FAR1: variants seen among roughly 807,000 people sequenced by gnomAD.
The protein encoded by FAR1 is male sterility domain-containing protein 2.
In FAR1, 22 loss-of-function variants were observed where a neutral mutation model predicts 61.1. The ratio of observed to expected loss-of-function variants is 0.36; its 90% CI spans 0.26 to 0.51. The LOEUF (loss-of-function observed/expected upper bound fraction) is 0.51. FAR1 is among the 20% of genes least tolerant of loss of function. FAR1 has a pLI of 0.95. For missense variants in FAR1, 359 were observed against 626.9 expected, an observed-to-expected ratio of 0.57 and a Z score of 4.56; for synonymous variants, 206 against 209.7, an observed-to-expected ratio of 0.98 and a Z score of 0.15.
intron 4 of FAR1, 122 bp downstream of exon 4, chr11:13,708,201 A>G (rs1848455374): frequency 3.4e-6 from 2 of 591,138 alleles, no homozygotes; most frequent in East Asian, 6.5e-5. Context: ...ATCTCACTAA[A>G]AATACGAAAA....
At chr11:13,689,969 G>A (rs138103114) in intron 1 of FAR1, among the ~76,000 whole-genome samples, 356 of 148,014 alleles carry the variant, frequency 2.4e-3, no homozygotes, top group African/African-American at 8.3e-3. Flanking sequence ...TCCGTATCCC[G>A]GGCTCAAGCA....
intron 1 of FAR1, among the ~76,000 whole-genome samples, chr11:13,686,893 A>C (rs1387726666): frequency 6.6e-6 from 1 of 152,168 alleles, no homozygotes; most frequent in African/African-American, 2.4e-5. Flanking sequence ...GTTACCTTAG[A>C]AGTTCTCTGT....
chr11:13,689,643 G>A (rs1313516092), intron 1 of FAR1, among the ~76,000 whole-genome samples: 1 of 152,068 alleles, frequency 6.6e-6, no homozygotes, highest in East Asian at 1.9e-4. Context: ...TTTCTATTGG[G>A]TATATAATCA....
chr11:13,704,298 A>G (rs1001107314), intron 3 of FAR1, among the ~76,000 whole-genome samples: 2 of 152,126 alleles, frequency 1.3e-5, no homozygotes, highest in Non-Finnish European at 2.9e-5. Flanking sequence ...CGGAAAATTC[A>G]TAGTACAAAA....
At chr11:13,709,640 A>G (rs1314410083) in intron 4 of FAR1, among the ~76,000 whole-genome samples, 2 of 152,052 alleles carry the variant, frequency 1.3e-5, no homozygotes, top group East Asian at 3.8e-4. Flanking sequence ...TCATGTATCA[A>G]CTATCCCTTT....
chr11:13,720,330 T>TA (rs1180008674), intron 9 of FAR1: 1 of 152,128 alleles, frequency 6.6e-6, no homozygotes, highest in Non-Finnish European at 1.5e-5. Flanking sequence ...CGTGATAGTA[T>TA]ATATTGATGT....
At chr11:13,710,601 AGATAT>A in intron 4 of FAR1, 87 bp from the exon 5 acceptor site, 1 of 1,063,272 alleles carries the variant, frequency 9.4e-7, no homozygotes, top group South Asian at 1.8e-5. Context: ...TCAGAACAGC[AGATAT>A]GTTTGAATGT....
intron 3 of FAR1, among the ~76,000 whole-genome samples, chr11:13,702,765 T>C (rs1456669470): frequency 6.6e-6 from 1 of 152,198 alleles, no homozygotes; most frequent in East Asian, 1.9e-4. Flanking sequence ...ACGAGGAAAG[T>C]TATATGCTTT....
At chr11:13,703,658 A>G (rs964191204) in intron 3 of FAR1, among the ~76,000 whole-genome samples, 1 of 152,242 alleles carries the variant, frequency 6.6e-6, no homozygotes, top group Admixed American at 6.5e-5. Flanking sequence ...GAAGGTAGAT[A>G]GAGCTCACTT....
At chr11:13,719,100 C>T (rs1848582861) in intron 9 of FAR1, among the ~76,000 whole-genome samples, 1 of 152,164 alleles carries the variant, frequency 6.6e-6, no homozygotes. Context: ...TTATTTTCAA[C>T]TCTCATTGAG....
At chr11:13,724,436 A>G (rs183712163) in intron 10 of FAR1, among the ~76,000 whole-genome samples, 3 of 151,486 alleles carry the variant, frequency 2.0e-5, no homozygotes, top group African/African-American at 7.3e-5. Flanking sequence ...TGTAGTCCCA[A>G]CTACTTGGGA....
At chr11:13,678,377 GC>G (rs1405792758) in intron 1 of FAR1, among the ~76,000 whole-genome samples, 1 of 152,090 alleles carries the variant, frequency 6.6e-6, no homozygotes, top group Non-Finnish European at 1.5e-5. Flanking sequence ...CCATTCTCCT[GC>G]CTCAGCCTCC....
At chr11:13,704,044 C>CA (rs55995847) in intron 3 of FAR1, among the ~76,000 whole-genome samples, 1,798 of 79,392 alleles carry the variant, frequency 0.023, 67 homozygotes, top group African/African-American at 0.075. Flanking sequence ...AACTCCGTCT[C>CA]AAAAAAAAAA....
At chr11:13,688,111 TA>T (rs1372393605) in intron 1 of FAR1, among the ~76,000 whole-genome samples, 1 of 151,552 alleles carries the variant, frequency 6.6e-6, no homozygotes, top group African/African-American at 2.4e-5. Context: ...ATAATAAAAT[TA>T]AAAAAATTTG....
rs754991486 is a variant in FAR1, at chr11:13,721,587, C to T, written c.1128-143C>T. The T allele has an allele frequency of 6.6e-6, 4 of 604,042 alleles. No individual in the cohort carries two copies. Among genetic ancestry groups the T allele is most frequent in the Non-Finnish European group, 1.1e-5 (4 of 365,914 alleles). 37.4% of individuals were successfully genotyped at this position (604,042 alleles called of 1,614,324 possible). On this transcript the variant is annotated intron_variant, in intron 9 of 11. Coordinates refer to ENST00000354817, the MANE Select transcript of FAR1 (RefSeq NM_032228.6). The surrounding 1 kb of genome is among the most constrained non-coding windows in gnomAD (Gnocchi z 4.2). ...GATGCAGAAATAGTCTTATTCCCTG[C>T]TGATTTGGTACACTTAATGATTAAA... is the stretch of plus-strand genomic sequence containing the variant.
At position 13,721,524 on chromosome 11, in the gene FAR1, ATT is replaced by A. The variant is rs1459681755; in HGVS notation, c.1128-204_1128-203del. ...GCATTTGCTGCTGCTTTCAAAAAAAATTTGTTTTCCTTTTGGATTTATAAATT... is the reference window on the plus strand; with the variant it reads ...GCATTTGCTGCTGCTTTCAAAAAAAATGTTTTCCTTTTGGATTTATAAATT... On this transcript the variant is annotated intron_variant, in intron 9 of 11. Coordinates refer to ENST00000354817, the MANE Select transcript of FAR1 (RefSeq NM_032228.6). The surrounding 1 kb of genome is among the most constrained non-coding windows in gnomAD (Gnocchi z 4.2). The A allele has an allele frequency of 2.2e-6, 1 of 449,562 alleles. No individual in the cohort carries two copies. The highest frequency in any genetic ancestry group is 3.9e-6 in the Non-Finnish European group (1 of 257,990). The allele number at this position is 449,562 out of a possible 1,614,324, so 27.8% of individuals were successfully genotyped here.
chr11:13,723,228 GGTGACAT>G (rs1848631572), intron 10 of FAR1: 12 of 273,304 alleles, frequency 4.4e-5, no homozygotes, highest in South Asian at 3.9e-4. Flanking sequence ...AGACAGGCAT[GGTGACAT>G]GTGCCTGTAG....
chr11:13,727,282 A>G (rs1319797202), intron 10 of FAR1, among the ~76,000 whole-genome samples: 1 of 151,924 alleles, frequency 6.6e-6, no homozygotes, highest in African/African-American at 2.4e-5. Flanking sequence ...AAAATGGTAC[A>G]GGCTTTTTTC....
Position 13,712,077 on chromosome 11 carries a change from T to C in FAR1, c.887+31T>C, listed in dbSNP as rs375764887. On this transcript the variant is annotated intron_variant, in intron 7 of 11. Transcript: ENST00000354817. The stretch of plus-strand genomic sequence containing the variant: ...TGAGGTGACAATGTCGCTTATTAAA[T>C]ATATAGTAACTGAAAAGGGAAGACA... 7.8e-6 allele frequency: 11 copies of C among 1,407,898 alleles called. No individual in the cohort carries two copies. In the African/African-American group the frequency reaches 1.6e-4, roughly 20 times the overall value. The allele number at this position is 1,407,898 out of a possible 1,614,324, so 87.2% of individuals were successfully genotyped here. A position where few individuals can be genotyped will look rare whatever the true frequency, so the allele number is the denominator to read the frequency against.
Sources: allele counts gnomAD v4.1 joint callset (sites outside exome capture counted in the v4.1 genomes callset), GRCh38; gene constraint gnomAD v4.1.1; non-coding constraint Gnocchi (gnomAD v3.1); transcripts MANE v1.5; gene names NCBI Gene and HGNC (gene_info 2026-07-23, HGNC 2026-07-21).